The following ADD2 variants were observed in gnomAD, a reference collection of about 807,000 sequenced individuals.
ADD2 encodes beta-adducin.
In ADD2, 23 loss-of-function variants were observed where a neutral mutation model predicts 83.0. The ratio of observed to expected loss-of-function variants is 0.28; its 90% CI spans 0.20 to 0.39. The LOEUF is 0.39. Ranked by LOEUF, ADD2 falls within the 10% of genes least tolerant of loss-of-function variation. The pLI, the probability that ADD2 is intolerant of heterozygous loss-of-function variation, is 1.00. For synonymous variants in ADD2, 375 were observed against 375.4 expected, an observed-to-expected ratio of 1.00 and a Z score of 0.01; for missense variants, 758 against 944.9, an observed-to-expected ratio of 0.80 and a Z score of 2.59.
At chr2:70,685,277 C>T (rs1274229340) in intron 9 of ADD2, among the ~76,000 whole-genome samples, 1 of 152,122 alleles carries the variant, frequency 6.6e-6, no homozygotes, top group Non-Finnish European at 1.5e-5. Context: ...AGGGACAGAC[C>T]TTAGAGTATG....
chr2:70,680,892 C>T (rs1670419510), intron 10 of ADD2, among the ~76,000 whole-genome samples: 1 of 152,130 alleles, frequency 6.6e-6, no homozygotes, highest in African/African-American at 2.4e-5. Flanking sequence ...TTGCTTCTAG[C>T]CTCACAAGCT....
chr2:70,747,709 T>A (rs1333957094), intron 1 of ADD2, among the ~76,000 whole-genome samples: 1 of 152,206 alleles, frequency 6.6e-6, no homozygotes, highest in Non-Finnish European at 1.5e-5. Context: ...ATTACCCTTT[T>A]CTTTATATCT....
At position 70,663,068 on chromosome 2, in the gene ADD2, C is replaced by A. The variant is rs782744464; in HGVS notation, c.*357G>T. 1.4e-5 allele frequency: 3 copies of A among 212,694 alleles called. No individual in the cohort carries two copies. Among genetic ancestry groups the A allele is most frequent in the African/African-American group, 6.9e-5 (3 of 43,380 alleles). The allele number at this position is 212,694 out of a possible 1,614,324, so 13.2% of individuals were successfully genotyped here. On this transcript the variant is annotated 3_prime_UTR_variant, in exon 16 of 16. Coordinates refer to ENST00000264436, the MANE Select transcript of ADD2 (RefSeq NM_001617.4). ...TTTAGTCTGAGCCTGTGAGAGCTCA[C>A]GGCCCATTTCTGGCCTTCTTGCCCT...
At chr2:70,709,389 G>T (rs7597977) in intron 2 of ADD2, among the ~76,000 whole-genome samples, 1 of 151,858 alleles carries the variant, frequency 6.6e-6, no homozygotes, top group African/African-American at 2.4e-5. Flanking sequence ...CTGCTAGAAT[G>T]GTTGTGGTCA....
Position 70,699,490 on chromosome 2 carries a change from T to C in ADD2, c.323-3094A>G, listed in dbSNP as rs1392096712. ...AATGCTATAGGAAGTTTACAAAAAA[T>C]AAAAACAGGCCAGGCACAGTGGCTC... On this transcript the variant is annotated intron_variant, in intron 4 of 15. Coordinates refer to ENST00000264436, the MANE Select transcript of ADD2 (RefSeq NM_001617.4). 2.6e-5 allele frequency among the ~76,000 whole-genome samples: 4 copies of C among 152,116 alleles called. No homozygotes were observed. In the East Asian group the frequency reaches 5.8e-4, roughly 22 times the overall value.
At chr2:70,681,623 G>C (rs1487103129) in intron 10 of ADD2, among the ~76,000 whole-genome samples, 1 of 152,022 alleles carries the variant, frequency 6.6e-6, no homozygotes, top group African/African-American at 2.4e-5. Context: ...TGGGCAGGAA[G>C]AACCCGTCAG....
At chr2:70,709,927 T>C (rs1469058127) in intron 2 of ADD2, among the ~76,000 whole-genome samples, 1 of 152,158 alleles carries the variant, frequency 6.6e-6, no homozygotes, top group African/African-American at 2.4e-5. Flanking sequence ...AAGTCAAACA[T>C]AATAGAACTG....
intron 1 of ADD2, among the ~76,000 whole-genome samples, chr2:70,729,954 T>C (rs2104463544): frequency 6.6e-6 from 1 of 152,352 alleles, no homozygotes; most frequent in South Asian, 2.1e-4. Context: ...TCTTTTAATA[T>C]ATGTAGCAAA....
intron 1 of ADD2, among the ~76,000 whole-genome samples, chr2:70,718,449 G>A (rs1243007627): frequency 6.6e-6 from 1 of 152,168 alleles, no homozygotes; most frequent in Non-Finnish European, 1.5e-5. Flanking sequence ...CATATATGCA[G>A]ATATGTAATT....
intron 1 of ADD2, among the ~76,000 whole-genome samples, chr2:70,742,038 A>T (rs2104502822): frequency 6.6e-6 from 1 of 152,358 alleles, no homozygotes; most frequent in East Asian, 1.9e-4. Context: ...GAGGTACATC[A>T]GGGATTCTAC....
intron 1 of ADD2, among the ~76,000 whole-genome samples, chr2:70,754,016 A>G (rs919799312): frequency 2.0e-5 from 3 of 152,122 alleles, no homozygotes; most frequent in Admixed American, 2.0e-4. Context: ...ATACAAAAAG[A>G]CAGAAGCCTT....
chr2:70,703,852 T>A (rs1671741489), intron 4 of ADD2, among the ~76,000 whole-genome samples: 1 of 152,230 alleles, frequency 6.6e-6, no homozygotes, highest in Non-Finnish European at 1.5e-5. Context: ...CCTTTCTTGG[T>A]TATTTTCACA....
intron 14 of ADD2, among the ~76,000 whole-genome samples, chr2:70,673,742 G>A (rs376005222): frequency 1.1e-4 from 16 of 152,228 alleles, no homozygotes; most frequent in East Asian, 3.9e-4. Flanking sequence ...GATTTTTGGC[G>A]TGTACCACCA....
At chr2:70,682,493 G>A (rs1382112549) in intron 10 of ADD2, among the ~76,000 whole-genome samples, 1 of 152,176 alleles carries the variant, frequency 6.6e-6, no homozygotes, top group Non-Finnish European at 1.5e-5. Flanking sequence ...AAGACAGGGA[G>A]AAATGTATTA....
rs1259262312 is a variant in ADD2 at position 70,691,058 on chromosome 2, G to T, written c.706-129C>A. The T allele has an allele frequency of 6.8e-6, 8 of 1,175,756 alleles. No homozygotes were observed. The East Asian group carries it at 2.2e-4, about 32-fold the overall frequency. The allele number at this position is 1,175,756 out of a possible 1,614,324, so 72.8% of individuals were successfully genotyped here. ...GAGGAGTGAGGGGTGAGGTTGGGGA[G>T]CAGGCACAAGAAAGGCCTGGGCTCC... On this transcript the variant is annotated intron_variant, in intron 7 of 15. Transcript: ENST00000264436.
At chr2:70,702,311 C>T (rs1040070139) in intron 4 of ADD2, among the ~76,000 whole-genome samples, 1 of 152,134 alleles carries the variant, frequency 6.6e-6, no homozygotes, top group African/African-American at 2.4e-5. Context: ...GGATTACAGG[C>T]ATGCAACACC....
rs543381662 is a variant in ADD2, at chr2:70,668,340, T to C, written c.1870+4538A>G. ...ACCCCTGCACAGCCCATGCCACTCC[T>C]GTCTGCCGCTCCAAGCATGTACCTA... is the stretch of plus-strand genomic sequence containing the variant. On this transcript the variant is annotated intron_variant, in intron 15 of 15. Transcript: ENST00000264436. Among the ~76,000 whole-genome samples, 3 of 152,290 alleles carry C rather than the reference T, an allele frequency of 2.0e-5. No homozygotes were observed. In the South Asian group the frequency reaches 6.2e-4, roughly 32 times the overall value.
intron 1 of ADD2, among the ~76,000 whole-genome samples, chr2:70,734,574 A>G (rs534039582): frequency 6.6e-6 from 1 of 152,306 alleles, no homozygotes; most frequent in African/African-American, 2.4e-5. Flanking sequence ...ACTACTTCTG[A>G]GGAAGGGAGA....
At position 70,661,079 on chromosome 2, in the gene ADD2, T is replaced by C. The variant is rs1215996148; in HGVS notation, c.*2346A>G. 16 of 152,166 alleles carry C rather than the reference T, an allele frequency of 1.1e-4. No individual in the cohort carries two copies. Among genetic ancestry groups the C allele is most frequent in the Admixed American group, 2.0e-4 (3 of 15,276 alleles). 9.4% of individuals were successfully genotyped at this position (152,166 alleles called of 1,614,324 possible). A position where few individuals can be genotyped will look rare whatever the true frequency, so the allele number is the denominator to read the frequency against. On this transcript the variant is annotated 3_prime_UTR_variant, in exon 16 of 16. Transcript: ENST00000264436. The stretch of plus-strand genomic sequence containing the variant: ...CCCATGGCATAAATTCCCAGAATAA[T>C]GCTGCAGCAAGACTCCACCCAATGA...
Sources: allele counts gnomAD v4.1 joint callset (sites outside exome capture counted in the v4.1 genomes callset), GRCh38; gene constraint gnomAD v4.1.1; transcripts MANE v1.5; gene names NCBI Gene and HGNC (gene_info 2026-07-23, HGNC 2026-07-21).